Variants in CENPW observed in about 807,000 individuals in gnomAD.
The protein encoded by CENPW is centromere protein W.
In CENPW, 3 loss-of-function variants were observed where a neutral mutation model predicts 11.1. The observed-to-expected ratio is 0.27, with a 90% confidence interval of 0.12 to 0.70. CENPW has a LOEUF of 0.70. CENPW is among the 30% of genes least tolerant of loss of function. The pLI is 0.77. For synonymous variants in CENPW, 38 were observed against 42.0 expected, an observed-to-expected ratio of 0.91 and a Z score of 0.37; for missense variants, 100 against 105.6, an observed-to-expected ratio of 0.95 and a Z score of 0.23.
At chr6:126,472,312 T>C in the CENPW span, among the ~76,000 whole-genome samples, 1 of 152,312 alleles carries the variant, frequency 6.6e-6, no homozygotes, top group East Asian at 1.9e-4. Context: ...TGGAATTCTC[T>C]CTGCTCTGGC....
the CENPW span, among the ~76,000 whole-genome samples, chr6:126,360,306 GGGGTT>G: frequency 0.028 from 4,284 of 152,196 alleles, 79 homozygotes; most frequent in Non-Finnish European, 0.041. Context: ...CTAGCTTGAT[GGGGTT>G]CCTTTTGTAT....
the CENPW span, among the ~76,000 whole-genome samples, chr6:126,429,561 C>T: frequency 2.6e-5 from 4 of 152,134 alleles, no homozygotes; most frequent in African/African-American, 7.2e-5. Context: ...AAGCTCCCTG[C>T]GGCTTCCCCA....
the CENPW span, among the ~76,000 whole-genome samples, chr6:126,453,909 A>C: frequency 6.6e-6 from 1 of 151,272 alleles, no homozygotes; most frequent in Non-Finnish European, 1.5e-5. Context: ...TTGTAAGTCT[A>C]ACTTCAGAAA....
the CENPW span, among the ~76,000 whole-genome samples, chr6:126,480,051 T>C: frequency 4.6e-5 from 7 of 152,000 alleles, no homozygotes; most frequent in Non-Finnish European, 1.0e-4. Flanking sequence ...AACCCAACTG[T>C]ATAAGGTTTA....
At chr6:126,464,133 A>T in the CENPW span, among the ~76,000 whole-genome samples, 3 of 152,168 alleles carry the variant, frequency 2.0e-5, no homozygotes, top group Non-Finnish European at 4.4e-5. Context: ...ATCAAATGTG[A>T]TTTACCCTAG....
chr6:126,439,550 T>C, the CENPW span, among the ~76,000 whole-genome samples: 1 of 151,654 alleles, frequency 6.6e-6, no homozygotes, highest in Admixed American at 6.6e-5. Context: ...TTAGCTATTA[T>C]TTCTTTATTA....
chr6:126,403,106 C>T, the CENPW span, among the ~76,000 whole-genome samples: 2 of 152,034 alleles, frequency 1.3e-5, no homozygotes, highest in African/African-American at 2.4e-5. Context: ...TACAAGATGA[C>T]AAATTTAATA....
At chr6:126,482,748 T>C in the CENPW span, among the ~76,000 whole-genome samples, 12 of 152,006 alleles carry the variant, frequency 7.9e-5, no homozygotes, top group African/African-American at 2.9e-4. Context: ...TTAATTATTT[T>C]TAGCCTTATA....
At chr6:126,481,061 A>T in the CENPW span, among the ~76,000 whole-genome samples, 147 of 152,190 alleles carry the variant, frequency 9.7e-4, 2 homozygotes, top group Non-Finnish European at 1.5e-3. Context: ...TATTAAGGAT[A>T]TGTGTAATGA....
chr6:126,440,281 C>A, the CENPW span, among the ~76,000 whole-genome samples: 1 of 151,510 alleles, frequency 6.6e-6, no homozygotes, highest in Non-Finnish European at 1.5e-5. Flanking sequence ...ATTCCTTAAA[C>A]TCTAAAAGTA....
At chr6:126,461,089 T>C in the CENPW span, among the ~76,000 whole-genome samples, 2 of 151,892 alleles carry the variant, frequency 1.3e-5, no homozygotes, top group African/African-American at 4.8e-5. Context: ...CTGACACGGT[T>C]TGGCTCTGTG....
chr6:126,413,295 A>G, the CENPW span, among the ~76,000 whole-genome samples: 1 of 152,290 alleles, frequency 6.6e-6, no homozygotes, highest in African/African-American at 2.4e-5. Flanking sequence ...TCAAATTGTC[A>G]AAAATCAACA....
the CENPW span, among the ~76,000 whole-genome samples, chr6:126,357,190 G>T: frequency 6.6e-6 from 1 of 152,150 alleles, no homozygotes; most frequent in Non-Finnish European, 1.5e-5. Flanking sequence ...TTGAATGGGG[G>T]TGCTTTCTTC....
chr6:126,463,160 A>G, the CENPW span, among the ~76,000 whole-genome samples: 1 of 152,004 alleles, frequency 6.6e-6, no homozygotes, highest in East Asian at 1.9e-4. Context: ...ATGATCTTTG[A>G]ATACTTTTCT....
the CENPW span, among the ~76,000 whole-genome samples, chr6:126,389,237 A>G: frequency 6.6e-6 from 1 of 151,940 alleles, no homozygotes; most frequent in Non-Finnish European, 1.5e-5. Flanking sequence ...TGCTGCCATG[A>G]CACAGATGTG....
chr6:126,379,812 A>G, the CENPW span, among the ~76,000 whole-genome samples: 33 of 152,344 alleles, frequency 2.2e-4, no homozygotes, highest in African/African-American at 7.5e-4. Flanking sequence ...CAAACGAATT[A>G]AAGTATAATT....
At chr6:126,474,212 G>A in the CENPW span, among the ~76,000 whole-genome samples, 2 of 151,808 alleles carry the variant, frequency 1.3e-5, no homozygotes, top group Admixed American at 6.6e-5. Context: ...TGTAAAGATT[G>A]GGAACAAGGC....
chr6:126,448,199 A>G, the CENPW span, among the ~76,000 whole-genome samples: 1 of 151,126 alleles, frequency 6.6e-6, no homozygotes. Flanking sequence ...GGTTTGACTC[A>G]AGACTTACTG....
At chr6:126,443,032 A>T in the CENPW span, among the ~76,000 whole-genome samples, 2 of 151,300 alleles carry the variant, frequency 1.3e-5, no homozygotes, top group Non-Finnish European at 3.0e-5. Context: ...TAATAGAAAG[A>T]TGAGATTTTT....
Sources: allele counts gnomAD v4.1 joint callset (sites outside exome capture counted in the v4.1 genomes callset), GRCh38; gene constraint gnomAD v4.1.1; transcripts MANE v1.5; gene names NCBI Gene and HGNC (gene_info 2026-07-23, HGNC 2026-07-21).